Variants in PPARGC1A observed in about 807,000 individuals in gnomAD.
The protein encoded by PPARGC1A is peroxisome proliferator-activated receptor gamma coactivator 1-alpha.
Under a neutral mutation model 88.7 loss-of-function variants are expected in PPARGC1A, and 25 were observed. That is an observed-to-expected ratio of 0.28 (90% CI 0.21 to 0.39). The LOEUF (loss-of-function observed/expected upper bound fraction) is 0.39, where lower values mean the gene tolerates loss of function less well. Among genes scored for constraint, PPARGC1A ranks in the 10% least tolerant of loss-of-function variants. PPARGC1A has a pLI of 1.00. For synonymous variants in PPARGC1A, 363 were observed against 355.6 expected (o/e 1.02, Z -0.24); for missense variants, 880 against 968.7 (o/e 0.91, Z 1.22).
chr4:23,929,520 C>G, the PPARGC1A span, among the ~76,000 whole-genome samples: 29 of 152,358 alleles, frequency 1.9e-4, no homozygotes, highest in Non-Finnish European at 8.8e-5. Context: ...CTCTCCCACT[C>G]ACACTTTGCT....
the PPARGC1A span, among the ~76,000 whole-genome samples, chr4:24,319,672 T>C: frequency 6.6e-6 from 1 of 152,362 alleles, no homozygotes; most frequent in South Asian, 2.1e-4. Flanking sequence ...CTTTACTTTT[T>C]GATAGAATTA....
chr4:24,118,291 G>T, the PPARGC1A span, among the ~76,000 whole-genome samples: 2 of 152,134 alleles, frequency 1.3e-5, no homozygotes, highest in African/African-American at 2.4e-5. Flanking sequence ...CAGAGGAGGA[G>T]CTACAAAGAA....
At chr4:24,238,052 G>C in the PPARGC1A span, among the ~76,000 whole-genome samples, 1 of 152,196 alleles carries the variant, frequency 6.6e-6, no homozygotes, top group African/African-American at 2.4e-5. Flanking sequence ...CTTGATAAAA[G>C]TCACACAGAT....
At chr4:24,235,964 A>C in the PPARGC1A span, among the ~76,000 whole-genome samples, 3 of 152,176 alleles carry the variant, frequency 2.0e-5, no homozygotes, top group African/African-American at 7.2e-5. Flanking sequence ...TCCTGTGACT[A>C]TATGGATTAA....
Position 23,793,558 on chromosome 4 carries a change from T to G in PPARGC1A, c.*2264A>C, listed in dbSNP as rs1250693060. On this transcript the variant is annotated 3_prime_UTR_variant, in exon 13 of 13. Coordinates refer to ENST00000264867, the MANE Select transcript of PPARGC1A (RefSeq NM_013261.5). The stretch of plus-strand genomic sequence containing the variant: ...GGGCGAGAGAAAGGAAAAGAACAAT[T>G]GAGTAGTAGGTGTATCATGTCTTCC... The G allele has an allele frequency of 1.3e-5, 2 of 152,280 alleles. No homozygotes were observed. The highest frequency in any genetic ancestry group is 4.8e-5 in the African/African-American group (2 of 41,414). The allele number at this position is 152,280 out of a possible 1,614,324, so 9.4% of individuals were successfully genotyped here. A position where few individuals can be genotyped will look rare whatever the true frequency, so the allele number is the denominator to read the frequency against.
chr4:23,826,629 A>T (rs1466950414), intron 5 of PPARGC1A, among the ~76,000 whole-genome samples: 1 of 152,172 alleles, frequency 6.6e-6, no homozygotes, highest in African/African-American at 2.4e-5. Flanking sequence ...TAATAATTCA[A>T]ATAATCACTG....
intron 10 of PPARGC1A, among the ~76,000 whole-genome samples, chr4:23,804,961 T>A (rs1719501601): frequency 6.6e-6 from 1 of 152,198 alleles, no homozygotes; most frequent in Non-Finnish European, 1.5e-5. Context: ...TATCTACTGT[T>A]TAATGTCCAC....
the PPARGC1A span, among the ~76,000 whole-genome samples, chr4:23,985,236 T>C: frequency 6.6e-6 from 1 of 152,016 alleles, no homozygotes; most frequent in Non-Finnish European, 1.5e-5. Flanking sequence ...CACACTCCAT[T>C]CATGACACAG....
At chr4:24,347,007 C>A in the PPARGC1A span, among the ~76,000 whole-genome samples, 2 of 152,094 alleles carry the variant, frequency 1.3e-5, no homozygotes, top group Non-Finnish European at 2.9e-5. Context: ...TTTTTAATTT[C>A]CATCTTGATA....
the PPARGC1A span, among the ~76,000 whole-genome samples, chr4:24,278,666 C>T: frequency 6.6e-6 from 1 of 152,204 alleles, no homozygotes; most frequent in Non-Finnish European, 1.5e-5. Context: ...CAACTCCTTC[C>T]CTTTCTTCTC....
intron 2 of PPARGC1A, 142 bp from the exon 3 acceptor site, chr4:23,831,893 C>G (rs1222203683): frequency 3.0e-6 from 2 of 667,418 alleles, no homozygotes; most frequent in East Asian, 5.3e-5. Context: ...ATGTCTTTCT[C>G]AAACTCCAAA....
At chr4:24,267,908 G>T in the PPARGC1A span, among the ~76,000 whole-genome samples, 2 of 152,098 alleles carry the variant, frequency 1.3e-5, no homozygotes, top group African/African-American at 4.8e-5. Context: ...TTATCTTTGT[G>T]GTGATCTAGC....
At chr4:24,425,152 G>T in the PPARGC1A span, among the ~76,000 whole-genome samples, 2 of 152,114 alleles carry the variant, frequency 1.3e-5, no homozygotes, top group Admixed American at 6.5e-5. Context: ...GAATCACATG[G>T]AATGCAACTT....
At chr4:23,950,455 TGCAA>T in the PPARGC1A span, among the ~76,000 whole-genome samples, 5 of 152,260 alleles carry the variant, frequency 3.3e-5, no homozygotes, top group African/African-American at 1.2e-4. Flanking sequence ...CATCGGTCGA[TGCAA>T]GTAAAAGTAA....
the PPARGC1A span, among the ~76,000 whole-genome samples, chr4:24,370,254 T>A: frequency 1.3e-5 from 2 of 152,040 alleles, no homozygotes; most frequent in Admixed American, 1.3e-4. Context: ...AAAAGTGAAA[T>A]AAATAGATTA....
chr4:24,039,122 T>G, the PPARGC1A span, among the ~76,000 whole-genome samples: 306 of 152,324 alleles, frequency 2.0e-3, 2 homozygotes, highest in African/African-American at 6.8e-3. Context: ...AGCTTTAATG[T>G]TCCCTCTATA....
intron 1 of PPARGC1A, among the ~76,000 whole-genome samples, chr4:23,887,203 GCTCTCT>G (rs3836557): frequency 5.1e-4 from 77 of 150,632 alleles, no homozygotes; most frequent in Non-Finnish European, 8.9e-4. Flanking sequence ...TCGCTCGTGC[GCTCTCT>G]CTCTCTCTCT....
chr4:23,859,889 C>T (rs1308012420), intron 2 of PPARGC1A, among the ~76,000 whole-genome samples: 1 of 151,592 alleles, frequency 6.6e-6, no homozygotes, highest in Non-Finnish European at 1.5e-5. Context: ...TTCATGTAGC[C>T]TGGTCAATAA....
chr4:24,167,031 T>C, the PPARGC1A span, among the ~76,000 whole-genome samples: 4 of 152,234 alleles, frequency 2.6e-5, no homozygotes, highest in Admixed American at 1.3e-4. Flanking sequence ...ATTCCCTTGA[T>C]GGATCTTGGC....
Sources: gnomAD v4.1 joint callset for allele counts (sites outside exome capture counted in the v4.1 genomes callset) on GRCh38, gnomAD v4.1.1 for gene constraint, MANE v1.5 for transcripts, NCBI Gene and HGNC (gene_info 2026-07-23, HGNC 2026-07-21) for gene names.